The following DAGLA variants were observed in gnomAD, a reference collection of about 807,000 sequenced individuals.
The protein encoded by DAGLA is diacylglycerol lipase-alpha.
A neutral mutation model predicts 102.6 loss-of-function variants in DAGLA; 22 were observed. That is an observed-to-expected ratio of 0.21 (90% CI 0.15 to 0.31). The LOEUF is 0.31. Ranked by LOEUF, DAGLA falls within the 10% of genes least tolerant of loss-of-function variation. DAGLA has a pLI of 1.00. For missense variants in DAGLA, 927 were observed against 1,446.6 expected, an observed-to-expected ratio of 0.64 and a Z score of 5.83; for synonymous variants, 578 against 628.9, an observed-to-expected ratio of 0.92 and a Z score of 1.21.
chr11:61,683,171 A>G (rs986339852), intron 1 of DAGLA, among the ~76,000 whole-genome samples: 1 of 152,172 alleles, frequency 6.6e-6, no homozygotes, highest in Non-Finnish European at 1.5e-5. Context: ...AACCTGTTTC[A>G]CATCCTTGCT....
Position 61,715,597 on chromosome 11 carries a change from G to A in DAGLA, c.-44-4515G>A, listed in dbSNP as rs531251421. Among the ~76,000 whole-genome samples, 13 of 152,336 alleles carry A rather than the reference G, an allele frequency of 8.5e-5. 1 individual carries two copies. In the East Asian group the frequency reaches 2.5e-3, roughly 29 times the overall value. ...GGACGAGGGGGCGAGGCCCAGCCTG[G>A]GGTGCTTTTACCAGCAGCACCGGAG... On this transcript the variant is annotated intron_variant, in intron 1 of 19. Coordinates refer to ENST00000257215, the MANE Select transcript of DAGLA (RefSeq NM_006133.3).
intron 1 of DAGLA, among the ~76,000 whole-genome samples, chr11:61,681,728 A>T (rs1022112319): frequency 6.6e-6 from 1 of 152,042 alleles, no homozygotes; most frequent in Non-Finnish European, 1.5e-5. Flanking sequence ...CCAGGCTTAA[A>T]TTCCTTTCCA....
In DAGLA at chr11:61,734,878, T is replaced by C. The variant is rs1389429740; in HGVS notation, c.1004T>C (p.Phe335Ser). 6.2e-7 allele frequency: 1 copy of C among 1,613,916 alleles called. No individual in the cohort carries two copies. Among genetic ancestry groups the C allele is most frequent in the East Asian group, 2.2e-5 (1 of 44,882 alleles). Reference sequence around the variant, plus strand: ...TGCCTGTGTCCTGCGAGGCCGCGGTTCGCCCCTGGAGTCACCATCGAGGAA... The same window carrying C: ...TGCCTGTGTCCTGCGAGGCCGCGGTCCGCCCCTGGAGTCACCATCGAGGAA... The part of the protein sequence containing the change: ...SCCLCPARPR[F>S]APGVTIEEDN... The change falls in exon 10 of 20, where the codon TTC becomes TCC. Residue 335 changes from phenylalanine to serine, a missense_variant. This residue lies in a region of DAGLA where 44 missense variants were observed against 44.0 expected (regional missense o/e 1.00). Coordinates refer to ENST00000257215, the MANE Select transcript of DAGLA (RefSeq NM_006133.3). This position sits in a 1 kb window ranked among gnomAD's most constrained non-coding sequence, Gnocchi z 4.2.
intron 1 of DAGLA, among the ~76,000 whole-genome samples, chr11:61,688,641 G>C (rs1205497498): frequency 2.0e-5 from 3 of 152,208 alleles, no homozygotes; most frequent in African/African-American, 7.2e-5. Context: ...TGGAAGTGCA[G>C]GGGGCCCGTG....
chr11:61,738,106 C>A, intron 15 of DAGLA, 29 bp from the exon 16 acceptor site: 5 of 1,600,002 alleles, frequency 3.1e-6, no homozygotes, highest in Non-Finnish European at 4.3e-6. Context: ...CCAGGCCTGG[C>A]TGACGGCCCT....
At chr11:61,717,477 G>A (rs1591039206) in intron 1 of DAGLA, among the ~76,000 whole-genome samples, 2 of 152,136 alleles carry the variant, frequency 1.3e-5, no homozygotes, top group African/African-American at 2.4e-5. Context: ...CGCCTCGCCC[G>A]CCCCAGCTAA....
rs778170121 is a variant in DAGLA at position 61,734,806 on chromosome 11, C to T, written c.975-43C>T. The T allele has an allele frequency of 2.7e-5, 43 of 1,579,204 alleles. No individual in the cohort carries two copies. Among genetic ancestry groups the T allele is most frequent in the South Asian group, 5.6e-5 (5 of 88,844 alleles). ...CAGTGGCAGGAGACATTTGTTCCCT[C>T]GGGGACTCCCTGGCCCTGAACTCTC... is the stretch of plus-strand genomic sequence containing the variant. On this transcript the variant is annotated intron_variant, in intron 9 of 19. Coordinates refer to ENST00000257215, the MANE Select transcript of DAGLA (RefSeq NM_006133.3). This position sits in a 1 kb window ranked among gnomAD's most constrained non-coding sequence, Gnocchi z 4.2.
At chr11:61,725,437 G>A (rs1418404969) in intron 5 of DAGLA, among the ~76,000 whole-genome samples, 1 of 152,158 alleles carries the variant, frequency 6.6e-6, no homozygotes, top group African/African-American at 2.4e-5. Context: ...CCAAGGAATT[G>A]GGAAATGCAG....
rs1459591143 is a variant in DAGLA at position 61,723,531 on chromosome 11, C to A, written c.507C>A (p.Ala169=). Residue 169 remains alanine, a synonymous_variant, in exon 5 of 20, where the codon GCC becomes GCA. Transcript: ENST00000257215. ...PTGRTFVKLR[A]TKRRQRNLRT... is the part of the protein sequence containing the mutation. ...GCCGCACCTTTGTCAAGCTGAGAGC[C>A]ACCAAGAGGAGGCAGCGTAACCTGC... 4 of 1,614,138 alleles carry A rather than the reference C, an allele frequency of 2.5e-6. No homozygotes were observed. Among genetic ancestry groups the A allele is most frequent in the Non-Finnish European group, 3.4e-6 (4 of 1,180,020 alleles).
intron 13 of DAGLA, among the ~76,000 whole-genome samples, chr11:61,736,602 A>G (rs759605475): frequency 4.6e-5 from 7 of 152,266 alleles, no homozygotes; most frequent in Non-Finnish European, 1.0e-4. Flanking sequence ...AAGATGATTC[A>G]GGGCAGACGG....
At position 61,738,138 on chromosome 11, in the gene DAGLA, T is replaced by G; in HGVS notation, c.1587T>G (p.Ile529Met). 1 of 1,613,600 alleles carries G rather than the reference T, an allele frequency of 6.2e-7. No homozygotes were observed. Among genetic ancestry groups the G allele is most frequent in the Non-Finnish European group, 8.5e-7 (1 of 1,179,922 alleles). ...CCCTGTCTCGTTCCCTCCCCAGGAT[T>G]GGCCTCTCTCAGCTGGAAGGCTTCC... ...VVLGKDLVPRIGLSQLEGFRR... is the reference protein window; with the variant it reads ...VVLGKDLVPRMGLSQLEGFRR... The change falls in exon 16 of 20, where the codon ATT becomes ATG. Residue 529 changes from isoleucine to methionine, a missense_variant. Around this residue, in one of 4 missense-constraint regions of DAGLA, gnomAD observed 218 missense variants for 459.6 expected, o/e 0.47. Transcript: ENST00000257215.
chr11:61,687,367 C>T (rs1004404373), intron 1 of DAGLA, among the ~76,000 whole-genome samples: 5 of 152,080 alleles, frequency 3.3e-5, no homozygotes, highest in Non-Finnish European at 7.4e-5. Context: ...GAGTCTCGCT[C>T]TGTCACTCAG....
Position 61,744,158 on chromosome 11 carries a change from T to C in DAGLA, c.2798T>C (p.Leu933Pro), listed in dbSNP as rs1413600306. The change falls in exon 20 of 20, where the codon CTC becomes CCC. Residue 933 changes from leucine to proline, a missense_variant. By Grantham distance (98) the Leu-to-Pro change is moderately conservative. This residue lies in a region of DAGLA where 434 missense variants were observed against 503.3 expected (regional missense o/e 0.86). Transcript: ENST00000257215. Reference protein sequence around the residue: ...LDSKSSSFQDLYCMVVPESPT... With the variant: ...LDSKSSSFQDPYCMVVPESPT... ...AGCAAGAGCAGCTCCTTCCAAGACC[T>C]CTACTGCATGGTGGTGCCCGAGAGC... is the stretch of plus-strand genomic sequence containing the variant. The C allele has an allele frequency of 6.2e-7, 1 of 1,612,830 alleles. No individual in the cohort carries two copies. Among genetic ancestry groups the C allele is most frequent in the Non-Finnish European group, 8.5e-7 (1 of 1,179,962 alleles).
chr11:61,710,033 G>T (rs2065181017), intron 1 of DAGLA, among the ~76,000 whole-genome samples: 1 of 152,162 alleles, frequency 6.6e-6, no homozygotes, highest in Admixed American at 6.5e-5. Flanking sequence ...AGGGGGCGGG[G>T]GCCCCAAGAG....
intron 15 of DAGLA, 76 bp from the exon 16 acceptor site, chr11:61,738,059 C>G (rs897011226): frequency 1.2e-5 from 15 of 1,207,346 alleles, no homozygotes; most frequent in Non-Finnish European, 7.3e-6. Context: ...TGTGCCTGCC[C>G]CTCCGCCCCT....
intron 5 of DAGLA, 72 bp downstream of exon 5, chr11:61,723,644 C>T (rs1415979592): frequency 2.6e-6 from 4 of 1,568,382 alleles, no homozygotes; most frequent in Non-Finnish European, 3.5e-6. Flanking sequence ...CTCCATTCTT[C>T]AGAAGGCTAC....
At chr11:61,685,234 G>A (rs144200427) in intron 1 of DAGLA, among the ~76,000 whole-genome samples, 3 of 152,268 alleles carry the variant, frequency 2.0e-5, no homozygotes, top group East Asian at 1.9e-4. Context: ...TCCGAGAGCC[G>A]AATGGCAAGA....
In DAGLA at chr11:61,746,895, G is replaced by A. The variant is rs1230110092; in HGVS notation, c.*2406G>A. The A allele has an allele frequency of 6.6e-6, 1 of 152,542 alleles. No individual in the cohort carries two copies. The highest frequency in any genetic ancestry group is 1.5e-5 in the Non-Finnish European group (1 of 68,040). The allele number at this position is 152,542 out of a possible 1,614,324, so 9.4% of individuals were successfully genotyped here. Reference sequence around the variant, plus strand: ...TGTATGAAAGATCCAAACTAATATTGCTGTAAAAAGGAGAGACAAATTAAT... The same window carrying A: ...TGTATGAAAGATCCAAACTAATATTACTGTAAAAAGGAGAGACAAATTAAT... On this transcript the variant is annotated 3_prime_UTR_variant, in exon 20 of 20. Transcript: ENST00000257215.
At chr11:61,710,760 G>A (rs1591035474) in intron 1 of DAGLA, among the ~76,000 whole-genome samples, 1 of 152,174 alleles carries the variant, frequency 6.6e-6, no homozygotes, top group Non-Finnish European at 1.5e-5. Flanking sequence ...TGCAAGGTGA[G>A]GTAAAGGTTC....
Sources: allele counts gnomAD v4.1 joint callset (sites outside exome capture counted in the v4.1 genomes callset), GRCh38; gene constraint gnomAD v4.1.1; regional missense constraint gnomAD v4.1.1; non-coding constraint Gnocchi (gnomAD v3.1); transcripts MANE v1.5; gene names NCBI Gene and HGNC (gene_info 2026-07-23, HGNC 2026-07-21).